DOCK3: variants seen among roughly 807,000 people sequenced by gnomAD.
DOCK3 encodes dedicator of cytokinesis 3.
In DOCK3, 60 loss-of-function variants were observed where a neutral mutation model predicts 265.6. The ratio of observed to expected loss-of-function variants is 0.23; its 90% confidence interval spans 0.18 to 0.28. The LOEUF (loss-of-function observed/expected upper bound fraction) is 0.28. DOCK3 is among the 10% of genes least tolerant of loss of function. The pLI is 1.00. For synonymous variants in DOCK3, 881 were observed against 938.0 expected (o/e 0.94, Z 1.11); for missense variants, 1,981 against 2,594.3 (o/e 0.76, Z 5.14).
intron 49 of DOCK3, among the ~76,000 whole-genome samples, chr3:51,370,496 G>C (rs2087592720): frequency 6.6e-6 from 1 of 152,176 alleles, no homozygotes; most frequent in African/African-American, 2.4e-5. Context: ...GGAATAAGCA[G>C]GCCCTGCTCT....
At chr3:51,071,950 G>T (rs1438411795) in intron 6 of DOCK3, among the ~76,000 whole-genome samples, 3 of 152,142 alleles carry the variant, frequency 2.0e-5, no homozygotes, top group Admixed American at 6.5e-5. Context: ...ATCCATTAAA[G>T]ATAGTCTTAG....
At chr3:51,288,775 A>G (rs1648974553) in intron 27 of DOCK3, among the ~76,000 whole-genome samples, 2 of 152,170 alleles carry the variant, frequency 1.3e-5, no homozygotes, top group South Asian at 4.1e-4. Flanking sequence ...GAGAGCTTGA[A>G]AGGCAGTATG....
At chr3:50,903,758 T>A (rs894342372) in intron 4 of DOCK3, among the ~76,000 whole-genome samples, 7 of 152,146 alleles carry the variant, frequency 4.6e-5, no homozygotes, top group East Asian at 1.9e-4. Flanking sequence ...TCTTTTTTTT[T>A]ATTTAAATGT....
At chr3:50,817,596 C>G (rs556092142) in intron 2 of DOCK3, among the ~76,000 whole-genome samples, 1 of 152,214 alleles carries the variant, frequency 6.6e-6, no homozygotes, top group East Asian at 1.9e-4. Flanking sequence ...TGCTCCTGAC[C>G]ATATTTTCAT....
intron 5 of DOCK3, among the ~76,000 whole-genome samples, chr3:51,026,224 T>C (rs2079810090): frequency 6.6e-6 from 1 of 152,200 alleles, no homozygotes; most frequent in East Asian, 1.9e-4. Flanking sequence ...TCTGAGTCTA[T>C]TGAGATGGTC....
intron 4 of DOCK3, among the ~76,000 whole-genome samples, chr3:50,916,488 C>T (rs1198037967): frequency 6.6e-6 from 1 of 152,030 alleles, no homozygotes; most frequent in Non-Finnish European, 1.5e-5. Flanking sequence ...TCCTTTGATG[C>T]ACTCTGGCAC....
intron 5 of DOCK3, among the ~76,000 whole-genome samples, chr3:50,978,725 C>G (rs1486780857): frequency 6.6e-6 from 1 of 152,210 alleles, no homozygotes; most frequent in African/African-American, 2.4e-5. Flanking sequence ...TGGGCAATGG[C>G]GGGCGCCCCT....
intron 1 of DOCK3, among the ~76,000 whole-genome samples, chr3:50,686,539 C>G (rs566001527): frequency 6.6e-6 from 1 of 152,160 alleles, no homozygotes; most frequent in Non-Finnish European, 1.5e-5. Flanking sequence ...GGAAGTAATG[C>G]TCAGACTCTT....
At chr3:51,202,134 C>T (rs2088823593) in intron 12 of DOCK3, among the ~76,000 whole-genome samples, 2 of 128,046 alleles carry the variant, frequency 1.6e-5, no homozygotes, top group African/African-American at 6.0e-5. Context: ...AGAGCAAACA[C>T]ATTCAAAAGC....
In DOCK3 at chr3:50,989,420, C is replaced by T. The variant is rs1032290857; in HGVS notation, c.315+55343C>T. On this transcript the variant is annotated intron_variant, in intron 5 of 52. Coordinates refer to ENST00000266037, the MANE Select transcript of DOCK3 (RefSeq NM_004947.5). ...GAACCCATATTTTTACAGCATTGAG[C>T]GGGAACATGGCTGCAACTGTGAGGA... Among the ~76,000 whole-genome samples the T allele has an allele frequency of 1.2e-4, 19 of 152,174 alleles. 1 individual carries two copies. The highest frequency in any genetic ancestry group is 6.2e-4 in the South Asian group (3 of 4,808).
intron 26 of DOCK3, chr3:51,278,608 TAA>T: frequency 1.2e-6 from 1 of 811,768 alleles, no homozygotes; most frequent in Non-Finnish European, 1.4e-6. Flanking sequence ...TCACTGTAAG[TAA>T]AAAACATATA....
intron 1 of DOCK3, among the ~76,000 whole-genome samples, chr3:50,705,460 G>T (rs1432435515): frequency 6.6e-6 from 1 of 152,036 alleles, no homozygotes; most frequent in African/African-American, 2.4e-5. Flanking sequence ...CTGTTGCCCA[G>T]GCTGGAGTGC....
chr3:51,246,870 A>C, intron 22 of DOCK3, 63 bp downstream of exon 22: 3 of 1,506,496 alleles, frequency 2.0e-6, no homozygotes, highest in Non-Finnish European at 2.7e-6. Context: ...GAGTAATCTC[A>C]GTGATACAAT....
chr3:51,219,669 T>C (rs2089977593), intron 14 of DOCK3, among the ~76,000 whole-genome samples: 4 of 152,168 alleles, frequency 2.6e-5, no homozygotes, highest in Admixed American at 2.0e-4. Flanking sequence ...GTGGAAAGCT[T>C]CTCTTTTTGG....
At chr3:51,189,198 G>A (rs4528983) in intron 12 of DOCK3, among the ~76,000 whole-genome samples, 138,867 of 152,250 alleles carry the variant, frequency 0.91, 63,469 homozygotes, top group African/African-American at 0.96. Context: ...GAACATTTTT[G>A]CATTTATCTG....
chr3:51,271,283 A>G (rs2080479290), intron 24 of DOCK3, among the ~76,000 whole-genome samples: 1 of 152,234 alleles, frequency 6.6e-6, no homozygotes, highest in Admixed American at 6.5e-5. Context: ...GTAACAGAAT[A>G]CCATAGACTG....
chr3:50,706,389 T>C (rs1487841871), intron 1 of DOCK3, among the ~76,000 whole-genome samples: 1 of 152,228 alleles, frequency 6.6e-6, no homozygotes, highest in Non-Finnish European at 1.5e-5. Context: ...TAGCAGGTTT[T>C]TTCTTTCAGT....
chr3:51,059,702 A>G (rs1159846691), intron 5 of DOCK3, among the ~76,000 whole-genome samples: 1 of 152,112 alleles, frequency 6.6e-6, no homozygotes, highest in Non-Finnish European at 1.5e-5. Context: ...TAAAGCAGTC[A>G]GAGGAAAATT....
At chr3:50,799,504 G>A (rs183828732) in intron 2 of DOCK3, among the ~76,000 whole-genome samples, 63 of 150,914 alleles carry the variant, frequency 4.2e-4, no homozygotes, top group African/African-American at 1.5e-3. Flanking sequence ...TCATTTTTTT[G>A]GCTCCTCCAT....
Sources: gnomAD v4.1 joint callset for allele counts (sites outside exome capture counted in the v4.1 genomes callset) on GRCh38, gnomAD v4.1.1 for gene constraint, MANE v1.5 for transcripts, NCBI Gene and HGNC (gene_info 2026-07-23, HGNC 2026-07-21) for gene names.